Variants in PRPF3 observed in about 807,000 individuals in gnomAD.
PRPF3 encodes U4/U6 small nuclear ribonucleoprotein Prp3.
Under a neutral mutation model 89.2 loss-of-function variants are expected in PRPF3, and 3 were observed. The observed-to-expected ratio is 0.03, with a 90% CI of 0.02 to 0.09. The LOEUF is 0.09. Among genes scored for constraint, PRPF3 ranks in the 10% least tolerant of loss-of-function variants. The probability of loss-of-function intolerance (pLI) is 1.00; values close to 1 mark genes in which losing one functional copy is unlikely to be tolerated. For synonymous variants in PRPF3, 270 were observed against 289.1 expected (o/e 0.93, Z 0.67); for missense variants, 463 against 828.8 (o/e 0.56, Z 5.42).
chr1:150,351,739 G>A (rs1553874433), intron 15 of PRPF3, among the ~76,000 whole-genome samples: 1 of 137,002 alleles, frequency 7.3e-6, no homozygotes, highest in Non-Finnish European at 1.5e-5. Flanking sequence ...TGAACTCTTA[G>A]CCTTGAGTGA....
intron 9 of PRPF3, among the ~76,000 whole-genome samples, chr1:150,340,920 A>G (rs1657624579): frequency 1.3e-5 from 2 of 151,934 alleles, no homozygotes; most frequent in African/African-American, 4.8e-5. Context: ...GATCTAGGCA[A>G]CATGGCAAAA....
At chr1:150,335,788 G>T (rs1372562124) in intron 7 of PRPF3, among the ~76,000 whole-genome samples, 1 of 147,538 alleles carries the variant, frequency 6.8e-6, no homozygotes, top group Admixed American at 6.8e-5. Flanking sequence ...GCGGGGAGGG[G>T]GATGGAGTCT....
At chr1:150,341,308 G>C (rs940739629) in intron 9 of PRPF3, among the ~76,000 whole-genome samples, 1 of 151,570 alleles carries the variant, frequency 6.6e-6, no homozygotes, top group African/African-American at 2.4e-5. Context: ...TATTAGATGC[G>C]ATATGCTCCA....
intron 3 of PRPF3, among the ~76,000 whole-genome samples, chr1:150,327,238 T>C (rs587709185): frequency 6.6e-6 from 1 of 152,134 alleles, no homozygotes; most frequent in African/African-American, 2.4e-5. Flanking sequence ...TGGCTAATTT[T>C]TGTATTTTTA....
intron 13 of PRPF3, 106 bp downstream of exon 13, chr1:150,346,242 C>T: frequency 8.1e-7 from 1 of 1,241,450 alleles, no homozygotes; most frequent in Non-Finnish European, 1.2e-6. Flanking sequence ...AGTGCCATAC[C>T]TGATATAATA....
chr1:150,332,956 A>C, intron 5 of PRPF3, 23 bp from the exon 6 acceptor site: 1 of 1,595,986 alleles, frequency 6.3e-7, no homozygotes, highest in Non-Finnish European at 8.6e-7. Flanking sequence ...AATTCCTCTG[A>C]TTTCTTTTTC....
chr1:150,328,317 TAGG>T lies in PRPF3; in HGVS notation c.278_280del (p.Glu93del), dbSNP rs782029337. 7.4e-6 allele frequency: 12 copies of T among 1,613,688 alleles called. No homozygotes were observed. On this transcript the variant is annotated splice_acceptor_variant and coding_sequence_variant, in exon 4 of 16. Transcript: ENST00000324862. LOFTEE classifies it high-confidence loss of function. ...GCTTTTCTTTCATCTTGGGTTCCCT[TAGG>T]AGGTGTTTGGTGATGACTCTGAGAT...
intron 7 of PRPF3, among the ~76,000 whole-genome samples, chr1:150,337,230 G>A (rs952448766): frequency 3.9e-4 from 59 of 151,124 alleles, no homozygotes; most frequent in African/African-American, 1.1e-3. Flanking sequence ...TAGTAGAGAC[G>A]GGGTTTCACC....
intron 4 of PRPF3, among the ~76,000 whole-genome samples, chr1:150,330,722 C>CTT (rs1232952290): frequency 0.021 from 3,059 of 142,480 alleles, 137 homozygotes; most frequent in African/African-American, 0.073. Flanking sequence ...ATGTTTCTTT[C>CTT]TTTTTTTTTT....
At chr1:150,333,284 G>GC (rs1418826176) in intron 6 of PRPF3, 85 bp downstream of exon 6, 8 of 1,438,144 alleles carry the variant, frequency 5.6e-6, no homozygotes, top group Non-Finnish European at 7.7e-6. Flanking sequence ...ATCTGGCTGG[G>GC]CGCAGTGCCT....
Position 150,325,860 on chromosome 1 carries a change from G to T in PRPF3, c.255G>T (p.Arg85Ser). The T allele has an allele frequency of 6.2e-7, 1 of 1,613,536 alleles. No individual in the cohort carries two copies. The highest frequency in any genetic ancestry group is 1.1e-5 in the South Asian group (1 of 91,044). ...GGCATTCCAAGTCTAGCAGTGACAG[G>T]AGCAGAAAACGAGAGCTAAAGGTAG... The part of the protein sequence containing the change: ...SSRHSKSSSD[R>S]SRKRELKEVF... The change falls in exon 3 of 16, where the codon AGG becomes AGT. Residue 85 changes from arginine to serine, a missense_variant. Physicochemically the swap from Arg to Ser is moderately radical, Grantham distance 110. Coordinates refer to ENST00000324862, the MANE Select transcript of PRPF3 (RefSeq NM_004698.4).
chr1:150,345,729 T>C, intron 12 of PRPF3: 1 of 403,240 alleles, frequency 2.5e-6, no homozygotes, highest in South Asian at 2.1e-5. Context: ...AACAATGAGA[T>C]TGTAAGTATT....
chr1:150,334,962 A>G lies in PRPF3; in HGVS notation c.756A>G (p.Lys252=). The G allele has an allele frequency of 6.2e-7, 1 of 1,614,014 alleles. No homozygotes were observed. Among genetic ancestry groups the G allele is most frequent in the African/African-American group, 1.3e-5 (1 of 74,968 alleles). Residue 252 remains lysine, a synonymous_variant, in exon 7 of 16, where the codon AAA becomes AAG. Coordinates refer to ENST00000324862, the MANE Select transcript of PRPF3 (RefSeq NM_004698.4). ...PPKVELKDQT[K]PTPLILDEQG... The stretch of plus-strand genomic sequence containing the variant: ...AGGTGGAGTTAAAAGACCAAACGAA[A>G]CCTACACCACTGATCCTGGATGAGC...
Position 150,352,848 on chromosome 1 carries a change from C to T in PRPF3, c.1921C>T (p.Arg641Trp). ...TCTTTTCTAGGGTACAGCCAAAGAC[C>T]GGAGCTTTGGAGAGATGAAGTTTAA... ...VLVWEGTAKD[R>W]SFGEMKFKQC... is the part of the protein sequence containing the mutation. Residue 641 changes from arginine to tryptophan, a missense_variant, in exon 16 of 16, where the codon CGG becomes TGG. Around this residue, in one of 8 missense-constraint regions of PRPF3, gnomAD observed 78 missense variants for 96.6 expected, o/e 0.81. Coordinates refer to ENST00000324862, the MANE Select transcript of PRPF3 (RefSeq NM_004698.4). 2 of 1,613,968 alleles carry T rather than the reference C, an allele frequency of 1.2e-6. No individual in the cohort carries two copies. The highest frequency in any genetic ancestry group is 8.5e-7 in the Non-Finnish European group (1 of 1,179,970).
intron 4 of PRPF3, among the ~76,000 whole-genome samples, chr1:150,332,235 AG>A (rs1656495610): frequency 9.8e-4 from 2 of 2,046 alleles, no homozygotes; most frequent in African/African-American, 2.4e-3. Flanking sequence ...AAAAAAAAAA[AG>A]AAAATTAAGT....
intron 8 of PRPF3, among the ~76,000 whole-genome samples, chr1:150,338,596 G>GT (rs1266073650): frequency 4.0e-5 from 6 of 151,764 alleles, no homozygotes; most frequent in African/African-American, 9.7e-5. Flanking sequence ...CACCTCCCGG[G>GT]TTCAAGAGAT....
At chr1:150,349,909 G>T (rs1364969365) in intron 15 of PRPF3, among the ~76,000 whole-genome samples, 1 of 151,632 alleles carries the variant, frequency 6.6e-6, no homozygotes, top group Non-Finnish European at 1.5e-5. Context: ...GGGGCGGTAT[G>T]GAGTTTCGCT....
At chr1:150,327,999 GTTT>G in intron 3 of PRPF3, 3 of 358,716 alleles carry the variant, frequency 8.4e-6, no homozygotes, top group Non-Finnish European at 1.6e-5. Context: ...GAGGAGGTGA[GTTT>G]TAGGCAGGAT....
At chr1:150,345,878 A>C in intron 12 of PRPF3, 140 bp from the exon 13 acceptor site, 1 of 759,210 alleles carries the variant, frequency 1.3e-6, no homozygotes. Context: ...CTACCTTTTA[A>C]GCATTCATCT....
Sources: gnomAD v4.1 joint callset for allele counts (sites outside exome capture counted in the v4.1 genomes callset) on GRCh38, gnomAD v4.1.1 for gene constraint, gnomAD v4.1.1 regional missense constraint, MANE v1.5 for transcripts, NCBI Gene and HGNC (gene_info 2026-07-23, HGNC 2026-07-21) for gene names.